The following SLC26A7 variants were observed in gnomAD, a reference collection of about 807,000 sequenced individuals.
SLC26A7 encodes anion exchange transporter.
In SLC26A7, 59 loss-of-function variants were observed where a neutral mutation model predicts 82.5. The ratio of observed to expected loss-of-function variants is 0.72; its 90% CI spans 0.58 to 0.89. SLC26A7 has a LOEUF of 0.89. SLC26A7 is among the 40% of genes least tolerant of loss of function. SLC26A7 has a pLI of 0.00. For missense variants in SLC26A7, 820 were observed against 793.0 expected, an observed-to-expected ratio of 1.03 and a Z score of -0.41; for synonymous variants, 271 against 274.3, an observed-to-expected ratio of 0.99 and a Z score of 0.12.
At chr8:91,348,234 C>A in intron 9 of SLC26A7, 1 of 651,578 alleles carries the variant, frequency 1.5e-6, no homozygotes, top group Non-Finnish European at 1.9e-6. Flanking sequence ...TATCTAATGT[C>A]ATCTCTCTCT....
chr8:91,321,301 T>C (rs899453979), intron 5 of SLC26A7, among the ~76,000 whole-genome samples: 1 of 152,242 alleles, frequency 6.6e-6, no homozygotes, highest in African/African-American at 2.4e-5. Context: ...TCTTAGATGA[T>C]AGATAACAGA....
At chr8:91,302,384 C>T (rs1812190222) in intron 4 of SLC26A7, among the ~76,000 whole-genome samples, 1 of 152,008 alleles carries the variant, frequency 6.6e-6, no homozygotes, top group Admixed American at 6.6e-5. Context: ...AAACATAAGA[C>T]CATCCAATGT....
chr8:91,218,128 A>G (rs1382937095), intron 1 of SLC26A7, among the ~76,000 whole-genome samples: 2 of 152,182 alleles, frequency 1.3e-5, no homozygotes, highest in East Asian at 3.9e-4. Flanking sequence ...GTGTTGGCCA[A>G]ATGGTTTCAT....
At chr8:91,281,127 A>C (rs1811560411) in intron 2 of SLC26A7, among the ~76,000 whole-genome samples, 1 of 152,238 alleles carries the variant, frequency 6.6e-6, no homozygotes, top group Non-Finnish European at 1.5e-5. Context: ...TCTTAATCAA[A>C]AATGTTTAAA....
chr8:91,364,906 C>G (rs1814149001), intron 13 of SLC26A7, among the ~76,000 whole-genome samples: 2 of 152,078 alleles, frequency 1.3e-5, no homozygotes, highest in Non-Finnish European at 2.9e-5. Context: ...TTACATCTCT[C>G]TAATTATTCA....
chr8:91,282,349 C>A (rs923927719), intron 2 of SLC26A7, among the ~76,000 whole-genome samples: 1 of 152,126 alleles, frequency 6.6e-6, no homozygotes, highest in African/African-American at 2.4e-5. Context: ...TCTCTAGAGC[C>A]ACAGGATGGA....
chr8:91,239,634 T>C (rs1436585983), intron 2 of SLC26A7, among the ~76,000 whole-genome samples: 1 of 151,946 alleles, frequency 6.6e-6, no homozygotes, highest in Non-Finnish European at 1.5e-5. Context: ...CTGCAGCAGG[T>C]ATGGGTCTAT....
chr8:91,261,405 A>G (rs763672608), intron 2 of SLC26A7, among the ~76,000 whole-genome samples: 1 of 152,060 alleles, frequency 6.6e-6, no homozygotes, highest in Non-Finnish European at 1.5e-5. Context: ...TAAGGGTGGG[A>G]ACATTTTCTT....
chr8:91,281,334 AGCT>A (rs1811566914), intron 2 of SLC26A7, among the ~76,000 whole-genome samples: 1 of 152,182 alleles, frequency 6.6e-6, no homozygotes, highest in Admixed American at 6.5e-5. Context: ...TCTCTTAAAG[AGCT>A]GTATAATATT....
intron 2 of SLC26A7, among the ~76,000 whole-genome samples, chr8:91,283,889 G>T (rs1228554080): frequency 6.6e-6 from 1 of 152,060 alleles, no homozygotes; most frequent in South Asian, 2.1e-4. Context: ...TTTTGGCTTT[G>T]CTTTTAAAAT....
chr8:91,300,452 C>G (rs1157435795), intron 4 of SLC26A7, among the ~76,000 whole-genome samples: 2 of 150,438 alleles, frequency 1.3e-5, no homozygotes, highest in African/African-American at 4.9e-5. Flanking sequence ...GGCTGGAGTG[C>G]AGGGGCGCGA....
chr8:91,296,564 A>C (rs1223862078), intron 4 of SLC26A7, among the ~76,000 whole-genome samples: 1 of 152,188 alleles, frequency 6.6e-6, no homozygotes, highest in Non-Finnish European at 1.5e-5. Context: ...AAAACATGTG[A>C]CCTAAAAGAA....
At chr8:91,234,825 C>CTCCCTCCTTCCTTCCT (rs1267737133) in intron 2 of SLC26A7, among the ~76,000 whole-genome samples, 1 of 86,472 alleles carries the variant, frequency 1.2e-5, no homozygotes, top group Non-Finnish European at 2.4e-5. Flanking sequence ...ACCTACCTAC[C>CTCCCTCCTTCCTTCCT]TACTTCCTTC....
chr8:91,281,811 C>T (rs12676717), intron 2 of SLC26A7, among the ~76,000 whole-genome samples: 104,564 of 151,686 alleles, frequency 0.69, 36,615 homozygotes, highest in Non-Finnish European at 0.76. Flanking sequence ...TCTGGCCTAA[C>T]TAGAGACTGC....
intron 5 of SLC26A7, among the ~76,000 whole-genome samples, chr8:91,321,325 T>G (rs1314711374): frequency 6.6e-6 from 1 of 152,208 alleles, no homozygotes; most frequent in Non-Finnish European, 1.5e-5. Flanking sequence ...CTCATAGGCT[T>G]GAGGGATAGA....
chr8:91,297,424 T>A (rs1812046325), intron 4 of SLC26A7, among the ~76,000 whole-genome samples: 1 of 151,978 alleles, frequency 6.6e-6, no homozygotes, highest in African/African-American at 2.4e-5. Context: ...AAAATATATG[T>A]CTCATTTCCC....
At chr8:91,268,326 T>C (rs1443613874) in intron 2 of SLC26A7, among the ~76,000 whole-genome samples, 1 of 151,844 alleles carries the variant, frequency 6.6e-6, no homozygotes, top group Non-Finnish European at 1.5e-5. Context: ...GTATTGGGTG[T>C]ATATATATTT....
intron 13 of SLC26A7, 134 bp downstream of exon 13, chr8:91,363,672 G>T: frequency 2.1e-6 from 1 of 475,142 alleles, no homozygotes. Context: ...AACTTCCAGT[G>T]GTACATATGT....
chr8:91,391,915 A>G (rs1814981342), intron 16 of SLC26A7, among the ~76,000 whole-genome samples: 1 of 152,156 alleles, frequency 6.6e-6, no homozygotes, highest in African/African-American at 2.4e-5. Flanking sequence ...GATATTACAA[A>G]CAGGACTTAG....
Sources: gnomAD v4.1 joint callset for allele counts (sites outside exome capture counted in the v4.1 genomes callset) on GRCh38, gnomAD v4.1.1 for gene constraint, MANE v1.5 for transcripts, NCBI Gene and HGNC (gene_info 2026-07-23, HGNC 2026-07-21) for gene names.